Variants in STXBP5L observed in about 807,000 individuals in gnomAD.
STXBP5L encodes the protein syntaxin binding protein 5L.
In STXBP5L, 65 loss-of-function variants were observed where a neutral mutation model predicts 144.5. That is an observed-to-expected ratio of 0.45 (90% CI 0.37 to 0.55). The LOEUF (loss-of-function observed/expected upper bound fraction) is 0.55. Among genes scored for constraint, STXBP5L ranks in the 20% least tolerant of loss-of-function variants. The probability of loss-of-function intolerance (pLI) is 0.00; values close to 1 mark genes in which losing one functional copy is unlikely to be tolerated. For synonymous variants in STXBP5L, 505 were observed against 469.6 expected (o/e 1.08, Z -0.97); for missense variants, 1,298 against 1,405.5 (o/e 0.92, Z 1.22).
Position 121,252,891 on chromosome 3 carries a change from T to G in STXBP5L, c.1442-2004T>G, listed in dbSNP as rs1000461196. On this transcript the variant is annotated intron_variant, in intron 15 of 26. Coordinates refer to ENST00000471454, the MANE Select transcript of STXBP5L (RefSeq NM_001308330.2). ...GACTGAAGGTTCTCTTCCAAGCTTA[T>G]GTAATCGTTGGCAGACTTCATTTTC... 3.4e-4 allele frequency among the ~76,000 whole-genome samples: 51 copies of G among 152,172 alleles called. 2 individuals are homozygous for G. The highest frequency in any genetic ancestry group is 3.1e-3 in the Admixed American group (48 of 15,276).
intron 20 of STXBP5L, among the ~76,000 whole-genome samples, chr3:121,365,403 CT>C (rs1052698295): frequency 7.4e-5 from 8 of 108,042 alleles, no homozygotes; most frequent in Non-Finnish European, 1.1e-4. Flanking sequence ...TTTTTTCTTT[CT>C]TTTTTTTTAA....
At position 121,238,841 on chromosome 3, in the gene STXBP5L, T is replaced by C. The variant is rs994713609; in HGVS notation, c.1185-130T>C. 8 of 904,200 alleles carry C rather than the reference T, an allele frequency of 8.8e-6. No homozygotes were observed. The African/African-American group carries it at 1.1e-4, about 12-fold the overall frequency. 56.0% of individuals were successfully genotyped at this position (904,200 alleles called of 1,614,324 possible). A position where few individuals can be genotyped will look rare whatever the true frequency, so the allele number is the denominator to read the frequency against. Reference sequence around the variant, plus strand: ...AGCATTTTTGTTCATACAATTCTTGTTTTATGGTACTTAAAAAACAAGCAA... The same window carrying C: ...AGCATTTTTGTTCATACAATTCTTGCTTTATGGTACTTAAAAAACAAGCAA... On this transcript the variant is annotated intron_variant, in intron 12 of 26. Coordinates refer to ENST00000471454, the MANE Select transcript of STXBP5L (RefSeq NM_001308330.2).
At chr3:121,085,616 C>A (rs531566099) in intron 5 of STXBP5L, among the ~76,000 whole-genome samples, 26 of 152,084 alleles carry the variant, frequency 1.7e-4, no homozygotes, top group Non-Finnish European at 3.1e-4. Flanking sequence ...ATATAGCTAA[C>A]AAGGGAAGTC....
chr3:121,144,388 G>A (rs1304399731), intron 7 of STXBP5L, among the ~76,000 whole-genome samples: 3 of 151,740 alleles, frequency 2.0e-5, no homozygotes, highest in African/African-American at 7.2e-5. Context: ...AGTGCTTAAT[G>A]TTACTAATCA....
intron 11 of STXBP5L, among the ~76,000 whole-genome samples, chr3:121,226,676 A>G (rs922227538): frequency 6.6e-6 from 1 of 152,184 alleles, no homozygotes; most frequent in African/African-American, 2.4e-5. Context: ...TCTTAGGAGA[A>G]TTCAGAATCT....
At chr3:120,924,781 C>T (rs1284351346) in intron 2 of STXBP5L, 1 of 152,200 alleles carries the variant, frequency 6.6e-6, no homozygotes, top group Non-Finnish European at 1.5e-5. Context: ...GCGATCTCGG[C>T]TCACTGCAAG....
Position 121,233,639 on chromosome 3 carries a change from G to A in STXBP5L, c.1135G>A (p.Val379Met), listed in dbSNP as rs61996323. 7.6e-3 allele frequency: 12,265 copies of A among 1,612,004 alleles called. 62 individuals carry two copies. The highest frequency in any genetic ancestry group is 9.3e-3 in the Non-Finnish European group (10,993 of 1,178,882). The change falls in exon 12 of 27, where the codon GTG becomes ATG. Residue 379 changes from valine to methionine, a missense_variant. Physicochemically the swap from Val to Met is conservative, Grantham distance 21. Coordinates refer to ENST00000471454, the MANE Select transcript of STXBP5L (RefSeq NM_001308330.2). ...PNEFQEPYAV[V>M]VLLEKDLIVV... ...AGAATTTCAAGAACCCTATGCTGTC[G>A]TGGTACTTCTGGAGAAAGATCTCAT...
chr3:121,120,971 A>G (rs1157708979), intron 6 of STXBP5L, among the ~76,000 whole-genome samples: 1 of 151,252 alleles, frequency 6.6e-6, no homozygotes, highest in East Asian at 1.9e-4. Flanking sequence ...GAAACATGCC[A>G]GATATGAGAG....
chr3:120,925,743 T>C (rs1307034410), intron 2 of STXBP5L, among the ~76,000 whole-genome samples: 1 of 152,218 alleles, frequency 6.6e-6, no homozygotes, highest in Non-Finnish European at 1.5e-5. Context: ...ACTGTCTTCC[T>C]TTGTGGTTAA....
intron 5 of STXBP5L, among the ~76,000 whole-genome samples, chr3:121,069,674 G>A (rs922204300): frequency 6.6e-6 from 1 of 151,848 alleles, no homozygotes; most frequent in Middle Eastern, 3.4e-3. Flanking sequence ...TCACGTCTCG[G>A]TGCCTTAGGT....
intron 22 of STXBP5L, among the ~76,000 whole-genome samples, chr3:121,394,892 G>T (rs1017403867): frequency 6.6e-6 from 1 of 152,032 alleles, no homozygotes; most frequent in Non-Finnish European, 1.5e-5. Flanking sequence ...GCTGTTGAGG[G>T]TTTTAAAGGA....
At chr3:121,008,930 A>ATT (rs1944561490) in intron 3 of STXBP5L, among the ~76,000 whole-genome samples, 1 of 130,004 alleles carries the variant, frequency 7.7e-6, no homozygotes, top group Admixed American at 8.6e-5. Context: ...TAATATAATC[A>ATT]ATTTTTTTTT....
intron 9 of STXBP5L, among the ~76,000 whole-genome samples, chr3:121,172,839 CA>C (rs2046779995): frequency 6.6e-6 from 1 of 152,144 alleles, no homozygotes; most frequent in African/African-American, 2.4e-5. Flanking sequence ...GGTGTATACC[CA>C]AAGGATTTTA....
chr3:121,043,035 T>G (rs1947268282), intron 4 of STXBP5L, among the ~76,000 whole-genome samples: 2 of 151,940 alleles, frequency 1.3e-5, no homozygotes, highest in African/African-American at 4.8e-5. Context: ...GTACTGGGTC[T>G]GATCCTTTGA....
chr3:121,054,213 C>G (rs1001367383), intron 5 of STXBP5L, among the ~76,000 whole-genome samples: 1 of 151,980 alleles, frequency 6.6e-6, no homozygotes, highest in Non-Finnish European at 1.5e-5. Flanking sequence ...ACTAGAAATA[C>G]CATTTGACCC....
intron 7 of STXBP5L, among the ~76,000 whole-genome samples, chr3:121,141,343 C>T (rs1473472402): frequency 6.6e-6 from 1 of 151,800 alleles, no homozygotes; most frequent in Non-Finnish European, 1.5e-5. Context: ...GCAGAAGTTG[C>T]GGTGAGCTGA....
chr3:121,144,055 G>C (rs1237985982), intron 7 of STXBP5L, among the ~76,000 whole-genome samples: 1 of 150,284 alleles, frequency 6.7e-6, no homozygotes. Flanking sequence ...ACACAATGTA[G>C]AGAATAGGAG....
chr3:121,388,115 C>T (rs961215488), intron 22 of STXBP5L, among the ~76,000 whole-genome samples: 1 of 152,164 alleles, frequency 6.6e-6, no homozygotes, highest in Admixed American at 6.5e-5. Flanking sequence ...AGAGGTCCTT[C>T]ACATCCCTTG....
Position 120,954,997 on chromosome 3 carries a change from A to C in STXBP5L, c.247A>C (p.Lys83Gln), listed in dbSNP as rs1937862058. Residue 83 changes from lysine (K) to glutamine (Q), a missense_variant, in exon 3 of 27, where the codon AAA (lysine) becomes CAA (glutamine). Physicochemically the swap from Lys to Gln is moderately conservative, Grantham distance 53. Transcript: ENST00000471454. ...PTALAFDPVQ[K>Q]ILAIGTRTGA... The stretch of plus-strand genomic sequence containing the variant: ...AGCATTAGCCTTTGATCCAGTTCAG[A>C]AAATCTTGGCTATTGGGACGAGAAC... 6 of 1,612,730 alleles carry C rather than the reference A, an allele frequency of 3.7e-6. No homozygotes were observed. The highest frequency in any genetic ancestry group is 4.2e-6 in the Non-Finnish European group (5 of 1,179,206).
Sources: gnomAD v4.1 joint callset for allele counts (sites outside exome capture counted in the v4.1 genomes callset) on GRCh38, gnomAD v4.1.1 for gene constraint, MANE v1.5 for transcripts, NCBI Gene and HGNC (gene_info 2026-07-23, HGNC 2026-07-21) for gene names.